Variants in ICA1L observed in about 807,000 individuals in gnomAD.
ICA1L encodes islet cell autoantigen 1 like.
Under a neutral mutation model 61.3 loss-of-function variants are expected in ICA1L, and 50 were observed. That is an observed-to-expected ratio of 0.82 (90% CI 0.65 to 1.03). The LOEUF is 1.03. ICA1L is among the 50% of genes least tolerant of loss of function. The pLI is 0.00. For synonymous variants in ICA1L, 161 were observed against 191.3 expected, an observed-to-expected ratio of 0.84 and a Z score of 1.31; for missense variants, 508 against 556.7, an observed-to-expected ratio of 0.91 and a Z score of 0.88.
chr2:202,858,575 C>T (rs1694827125), intron 1 of ICA1L, among the ~76,000 whole-genome samples: 1 of 152,174 alleles, frequency 6.6e-6, no homozygotes, highest in African/African-American at 2.4e-5. Flanking sequence ...CACCGTGGCA[C>T]ATGTGTACCT....
At chr2:202,792,797 C>T (rs544791888) in intron 10 of ICA1L, among the ~76,000 whole-genome samples, 6 of 151,746 alleles carry the variant, frequency 4.0e-5, no homozygotes, top group East Asian at 3.9e-4. Flanking sequence ...GAGTGAGACT[C>T]GGCCTCAAAA....
At chr2:202,793,768 C>T (rs1427961549) in intron 10 of ICA1L, among the ~76,000 whole-genome samples, 1 of 151,602 alleles carries the variant, frequency 6.6e-6, no homozygotes, top group Non-Finnish European at 1.5e-5. Context: ...TGGTGGAGCA[C>T]CTGAGGTCAG....
At chr2:202,856,022 G>A (rs12693975) in intron 1 of ICA1L, among the ~76,000 whole-genome samples, 119,034 of 149,876 alleles carry the variant, frequency 0.79, 47,675 homozygotes, top group East Asian at 0.91. Context: ...GCAGTGAGCC[G>A]AGATTGCACC....
At chr2:202,830,729 C>T (rs1314539387) in intron 1 of ICA1L, among the ~76,000 whole-genome samples, 3 of 152,140 alleles carry the variant, frequency 2.0e-5, no homozygotes, top group Non-Finnish European at 4.4e-5. Flanking sequence ...AATAGAATGT[C>T]TAATTTCCAA....
chr2:202,811,811 AT>A lies in ICA1L; in HGVS notation c.867-23del, dbSNP rs763115536. On this transcript the variant is annotated intron_variant, in intron 8 of 12. Transcript: ENST00000358299. ...TAGCCTGAAGTAAAAACAAAAAAAAATGTAGATTTTTTGTTATAATACACTT... is the reference window on the plus strand; with the variant it reads ...TAGCCTGAAGTAAAAACAAAAAAAAAGTAGATTTTTTGTTATAATACACTT... 29 of 1,569,868 alleles carry A rather than the reference AT, an allele frequency of 1.8e-5. No homozygotes were observed. The African/African-American group carries it at 3.4e-4, about 18-fold the overall frequency.
intron 1 of ICA1L, among the ~76,000 whole-genome samples, chr2:202,865,472 A>G (rs955860354): frequency 5.3e-5 from 8 of 151,510 alleles, no homozygotes; most frequent in African/African-American, 1.9e-4. Context: ...CCATCCCGAA[A>G]AAAAAAAAAA....
At chr2:202,819,300 G>A (rs1478723626) in intron 5 of ICA1L, among the ~76,000 whole-genome samples, 4 of 152,110 alleles carry the variant, frequency 2.6e-5, no homozygotes, top group Non-Finnish European at 2.9e-5. Context: ...TTTGTATTGT[G>A]ACAGAATAAA....
At chr2:202,814,868 A>C in intron 7 of ICA1L, 84 bp from the exon 8 acceptor site, 1 of 932,618 alleles carries the variant, frequency 1.1e-6, no homozygotes, top group South Asian at 1.5e-5. Context: ...ATAAATTCTA[A>C]AGAACCATAT....
In ICA1L at chr2:202,775,764, C is replaced by T. The variant is rs943313187; in HGVS notation, c.*3769G>A. 1.8e-4 allele frequency: 27 copies of T among 152,254 alleles called. No homozygotes were observed. Among genetic ancestry groups the T allele is most frequent in the African/African-American group, 6.3e-4 (26 of 41,450 alleles). The allele number at this position is 152,254 out of a possible 1,614,324, so 9.4% of individuals were successfully genotyped here. ...AAACTCCCAACTTCAAGTGATCTGC[C>T]TGCCTTGGCCTCCCAAAGTGCTGTT... On this transcript the variant is annotated 3_prime_UTR_variant, in exon 13 of 13. Transcript: ENST00000358299.
In ICA1L at chr2:202,836,743, T is replaced by G. The variant is rs893305759; in HGVS notation, c.-7-7727A>C. ...TAGTCTTTATAAGTTGGTATGTGTCTAGGAATTTACCCATTTCTTTTAGGT... is the reference window on the plus strand; with the variant it reads ...TAGTCTTTATAAGTTGGTATGTGTCGAGGAATTTACCCATTTCTTTTAGGT... On this transcript the variant is annotated intron_variant, in intron 1 of 12. Coordinates refer to ENST00000358299, the MANE Select transcript of ICA1L (RefSeq NM_001288622.3). 1.5e-4 allele frequency among the ~76,000 whole-genome samples: 21 copies of G among 138,254 alleles called. 1 individual carries two copies. The highest frequency in any genetic ancestry group is 5.4e-4 in the African/African-American group (21 of 38,834). 90.7% of individuals were successfully genotyped at this position (138,254 alleles called of 152,430 possible). A position where few individuals can be genotyped will look rare whatever the true frequency, so the allele number is the denominator to read the frequency against.
At position 202,774,228 on chromosome 2, in the gene ICA1L, G is replaced by T. The variant is rs1485227231; in HGVS notation, c.*5305C>A. The stretch of plus-strand genomic sequence containing the variant: ...AGCGCCGGATCGAAGGCGCGGGGCG[G>T]CTCCTGAGTCTTCTCGCTCCTGTCG... On this transcript the variant is annotated 3_prime_UTR_variant, in exon 13 of 13. Transcript: ENST00000358299. 2.5e-5 allele frequency: 39 copies of T among 1,548,932 alleles called. No homozygotes were observed. The highest frequency in any genetic ancestry group is 3.4e-5 in the Non-Finnish European group (39 of 1,146,044).
chr2:202,867,135 G>A (rs1376381552), intron 1 of ICA1L, among the ~76,000 whole-genome samples: 3 of 152,058 alleles, frequency 2.0e-5, no homozygotes, highest in East Asian at 1.9e-4. Context: ...CTTTTCATAC[G>A]TACACACACA....
intron 10 of ICA1L, among the ~76,000 whole-genome samples, chr2:202,796,319 TAAAG>T (rs928903898): frequency 2.0e-5 from 3 of 152,162 alleles, no homozygotes; most frequent in Non-Finnish European, 4.4e-5. Flanking sequence ...TTTTTTAACT[TAAAG>T]AAATTTAAAG....
intron 9 of ICA1L, among the ~76,000 whole-genome samples, chr2:202,802,115 T>C (rs1358805101): frequency 6.6e-6 from 1 of 152,138 alleles, no homozygotes; most frequent in Non-Finnish European, 1.5e-5. Flanking sequence ...CTATAAAAAT[T>C]AGGCAAATTA....
At position 202,773,814 on chromosome 2, in the gene ICA1L, C is replaced by T. The variant is rs1692128529; in HGVS notation, c.*5719G>A. On this transcript the variant is annotated 3_prime_UTR_variant, in exon 13 of 13. Coordinates refer to ENST00000358299, the MANE Select transcript of ICA1L (RefSeq NM_001288622.3). ...AATAGGCAAGAGCAGGCTGTAAAAG[C>T]AAAGGCTAGCTGTGCAAGTGCAGCC... 1 of 1,396,008 alleles carries T rather than the reference C, an allele frequency of 7.2e-7. No individual in the cohort carries two copies. Among genetic ancestry groups the T allele is most frequent in the South Asian group, 1.2e-5 (1 of 86,322 alleles). 86.5% of individuals were successfully genotyped at this position (1,396,008 alleles called of 1,614,324 possible).
chr2:202,780,440 A>G (rs1692367501), intron 12 of ICA1L, among the ~76,000 whole-genome samples: 1 of 152,204 alleles, frequency 6.6e-6, no homozygotes, highest in Non-Finnish European at 1.5e-5. Flanking sequence ...TACAAGTTGC[A>G]CTGTGGCAGA....
intron 10 of ICA1L, among the ~76,000 whole-genome samples, chr2:202,796,416 T>C (rs1692926986): frequency 6.6e-6 from 1 of 152,238 alleles, no homozygotes; most frequent in Non-Finnish European, 1.5e-5. Context: ...AGGTAGTTAT[T>C]TAATGCTTAG....
At chr2:202,839,104 TA>T (rs1237137261) in intron 1 of ICA1L, among the ~76,000 whole-genome samples, 1 of 152,160 alleles carries the variant, frequency 6.6e-6, no homozygotes, top group Non-Finnish European at 1.5e-5. Flanking sequence ...CATATCGGTG[TA>T]CTGCACCTGA....
chr2:202,783,364 C>T (rs1313928783), intron 12 of ICA1L, among the ~76,000 whole-genome samples: 1 of 152,172 alleles, frequency 6.6e-6, no homozygotes, highest in African/African-American at 2.4e-5. Context: ...CCACCATAAC[C>T]AAGTGATCAG....
Sources: allele counts gnomAD v4.1 joint callset (sites outside exome capture counted in the v4.1 genomes callset), GRCh38; gene constraint gnomAD v4.1.1; transcripts MANE v1.5; gene names NCBI Gene and HGNC (gene_info 2026-07-23, HGNC 2026-07-21).